The following CHD9 variants were observed in gnomAD, a reference collection of about 807,000 sequenced individuals.
The protein encoded by CHD9 is chromodomain helicase DNA binding protein 9, also known as ATP-dependent chromatin remodeler CHD9.
A neutral mutation model predicts 316.1 loss-of-function variants in CHD9; 77 were observed. The observed-to-expected ratio is 0.24, with a 90% confidence interval of 0.20 to 0.29. The LOEUF is 0.29. Among genes scored for constraint, CHD9 ranks in the 10% least tolerant of loss-of-function variants. The pLI is 1.00. For synonymous variants in CHD9, 1,129 were observed against 1,158.3 expected, an observed-to-expected ratio of 0.97 and a Z score of 0.51; for missense variants, 2,763 against 3,438.1, an observed-to-expected ratio of 0.80 and a Z score of 4.91.
chr16:53,229,982 A>C (rs985778110), intron 8 of CHD9, among the ~76,000 whole-genome samples: 1 of 152,082 alleles, frequency 6.6e-6, no homozygotes, highest in Non-Finnish European at 1.5e-5. Context: ...GTTTATTTTT[A>C]TCTGGTCCAG....
intron 20 of CHD9, among the ~76,000 whole-genome samples, chr16:53,264,989 A>G (rs528063418): frequency 6.6e-6 from 1 of 152,358 alleles, no homozygotes; most frequent in East Asian, 1.9e-4. Context: ...ATATAAGCAT[A>G]TAGTCATTTA....
intron 29 of CHD9, among the ~76,000 whole-genome samples, chr16:53,296,696 C>T (rs1183899468): frequency 6.6e-6 from 1 of 151,956 alleles, no homozygotes; most frequent in Admixed American, 6.6e-5. Context: ...CCGCCCGCCT[C>T]GGCCTCCCAA....
Position 53,156,636 on chromosome 16 carries a change from A to G in CHD9, c.547A>G (p.Arg183Gly). ...TACTTCACTACGCTCACAACAAAACAGAAATAATCTCAACCCAGGGCAGAA... is the reference window on the plus strand; with the variant it reads ...TACTTCACTACGCTCACAACAAAACGGAAATAATCTCAACCCAGGGCAGAA... ...QCTSLRSQQN[R>G]NNLNPGQNSL... Residue 183 changes from arginine to glycine, a missense_variant, in exon 2 of 39, where the codon AGA (arginine) becomes GGA (glycine). Arg to Gly is a moderately radical substitution (Grantham distance 125, BLOSUM62 -2). Around this residue, in one of 15 missense-constraint regions of CHD9, gnomAD observed 859 missense variants for 890.4 expected, o/e 0.96. Coordinates refer to ENST00000447540, the MANE Select transcript of CHD9 (RefSeq NM_001308319.2). 1 of 1,613,986 alleles carries G rather than the reference A, an allele frequency of 6.2e-7. No homozygotes were observed. Among genetic ancestry groups the G allele is most frequent in the South Asian group, 1.1e-5 (1 of 91,076 alleles).
chr16:53,231,593 CTAT>C (rs2152926511), intron 9 of CHD9, 51 bp from the exon 10 acceptor site: 1 of 1,411,076 alleles, frequency 7.1e-7, no homozygotes, highest in South Asian at 1.3e-5. Flanking sequence ...TCTGTTTAAA[CTAT>C]TTCTTACTAG....
intron 25 of CHD9, among the ~76,000 whole-genome samples, chr16:53,286,018 G>A (rs972272774): frequency 6.6e-6 from 1 of 152,092 alleles, no homozygotes; most frequent in Non-Finnish European, 1.5e-5. Context: ...ACTGATAAAT[G>A]TAACTGAAAT....
intron 1 of CHD9, among the ~76,000 whole-genome samples, chr16:53,092,025 A>T (rs534323078): frequency 4.3e-4 from 66 of 152,312 alleles, no homozygotes; most frequent in African/African-American, 1.5e-3. Flanking sequence ...ATTAAAATGC[A>T]TAGGGCATGT....
chr16:53,135,901 TGA>T (rs1008663784), intron 1 of CHD9, among the ~76,000 whole-genome samples: 1 of 152,174 alleles, frequency 6.6e-6, no homozygotes, highest in East Asian at 1.9e-4. Context: ...TATGAAAATT[TGA>T]GAGAAATAAA....
chr16:53,233,730 G>A (rs2048379700), intron 10 of CHD9, among the ~76,000 whole-genome samples: 1 of 152,080 alleles, frequency 6.6e-6, no homozygotes, highest in Non-Finnish European at 1.5e-5. Context: ...ACACAAACAA[G>A]CAGCACTTTG....
At chr16:53,066,941 T>C (rs2033582972) in intron 1 of CHD9, among the ~76,000 whole-genome samples, 2 of 152,110 alleles carry the variant, frequency 1.3e-5, no homozygotes, top group Admixed American at 1.3e-4. Context: ...TTTCCCCTAT[T>C]ATTATTATTT....
At chr16:53,260,189 G>A (rs1191102436) in intron 19 of CHD9, among the ~76,000 whole-genome samples, 1 of 152,056 alleles carries the variant, frequency 6.6e-6, no homozygotes, top group African/African-American at 2.4e-5. Flanking sequence ...TTTCAAGTTG[G>A]ATATGAAGGT....
At chr16:53,173,707 C>T (rs532898084) in intron 2 of CHD9, among the ~76,000 whole-genome samples, 2 of 151,800 alleles carry the variant, frequency 1.3e-5, no homozygotes, top group Non-Finnish European at 2.9e-5. Flanking sequence ...ACCATGCCCA[C>T]CTAATTTTTT....
At chr16:53,213,857 G>A (rs1597459008) in intron 3 of CHD9, among the ~76,000 whole-genome samples, 1 of 152,226 alleles carries the variant, frequency 6.6e-6, no homozygotes, top group East Asian at 1.9e-4. Flanking sequence ...TCATAGCCCT[G>A]TAAATTTAAT....
intron 20 of CHD9, among the ~76,000 whole-genome samples, chr16:53,265,907 G>T (rs926516018): frequency 6.6e-6 from 1 of 150,914 alleles, no homozygotes; most frequent in South Asian, 2.1e-4. Flanking sequence ...GATCAAAATT[G>T]TATCAAATCT....
intron 1 of CHD9, among the ~76,000 whole-genome samples, chr16:53,067,642 T>A (rs1423707252): frequency 6.6e-6 from 1 of 152,156 alleles, no homozygotes; most frequent in Non-Finnish European, 1.5e-5. Context: ...TTTCTCATGA[T>A]TAGGGTTGTG....
intron 11 of CHD9, among the ~76,000 whole-genome samples, chr16:53,238,013 A>G (rs2048775795): frequency 6.6e-6 from 1 of 152,138 alleles, no homozygotes; most frequent in Non-Finnish European, 1.5e-5. Flanking sequence ...TTTGTATCCC[A>G]TCTTCTCATA....
intron 1 of CHD9, among the ~76,000 whole-genome samples, chr16:53,078,335 G>A (rs1016546110): frequency 6.6e-6 from 1 of 152,126 alleles, no homozygotes; most frequent in Non-Finnish European, 1.5e-5. Context: ...TTCACAGGAA[G>A]GGGTTAGTTA....
At chr16:53,254,343 A>C in intron 17 of CHD9, 95 bp from the exon 18 acceptor site, 13 of 823,874 alleles carry the variant, frequency 1.6e-5, no homozygotes, top group Non-Finnish European at 2.3e-5. Context: ...AAAATGGTCT[A>C]AGAATTCTTG....
At chr16:53,270,530 A>AT (rs1368320665) in intron 22 of CHD9, among the ~76,000 whole-genome samples, 2 of 152,160 alleles carry the variant, frequency 1.3e-5, no homozygotes, top group Non-Finnish European at 2.9e-5. Flanking sequence ...GAAATGATTG[A>AT]TTTATTACAT....
chr16:53,255,809 G>A (rs1328933974), intron 19 of CHD9, 30 bp downstream of exon 19: 13 of 1,591,150 alleles, frequency 8.2e-6, no homozygotes, highest in Non-Finnish European at 1.1e-5. Flanking sequence ...TATTAACATA[G>A]CAGTGATGTT....
Sources: allele counts gnomAD v4.1 joint callset (sites outside exome capture counted in the v4.1 genomes callset), GRCh38; gene constraint gnomAD v4.1.1; regional missense constraint gnomAD v4.1.1; transcripts MANE v1.5; gene names NCBI Gene and HGNC (gene_info 2026-07-23, HGNC 2026-07-21).